Variants in CSMD1 observed in about 807,000 individuals in gnomAD.
CSMD1 encodes CUB and Sushi multiple domains 1.
In CSMD1, 213 loss-of-function variants were observed where a neutral mutation model predicts 417.5. The observed-to-expected ratio is 0.51, with a 90% confidence interval of 0.46 to 0.57. CSMD1 has a LOEUF of 0.57. Among genes scored for constraint, CSMD1 ranks in the 20% least tolerant of loss-of-function variants. The probability of loss-of-function intolerance (pLI) is 0.00; values close to 1 mark genes in which losing one functional copy is unlikely to be tolerated. For synonymous variants in CSMD1, 2,862 were observed against 1,736.8 expected, an observed-to-expected ratio of 1.65 and a Z score of -16.11; for missense variants, 6,923 against 4,529.7, an observed-to-expected ratio of 1.53 and a Z score of -15.17.
At position 4,356,811 on chromosome 8, in the gene CSMD1, C is replaced by G. The variant is rs906217853; in HGVS notation, c.415+63142G>C. ...TCTTGCAGGCCCAGCCCCTGACCGA[C>G]TTGACAATGGCGCACATTCCTAGTT... On this transcript the variant is annotated intron_variant, in intron 3 of 69. Transcript: ENST00000635120. Among the ~76,000 whole-genome samples, 83 of 152,324 alleles carry G rather than the reference C, an allele frequency of 5.4e-4. 1 individual carries two copies. The highest frequency in any genetic ancestry group is 1.8e-3 in the African/African-American group (73 of 41,566).
chr8:2,951,361 G>A (rs1802618434), intron 65 of CSMD1, 86 bp from the exon 66 acceptor site: 2 of 1,341,016 alleles, frequency 1.5e-6, no homozygotes, highest in Non-Finnish European at 2.0e-6. Flanking sequence ...GCATCATACT[G>A]CTTAGCGAGC....
intron 48 of CSMD1, among the ~76,000 whole-genome samples, chr8:3,089,843 A>G (rs533991124): frequency 1.4e-4 from 22 of 152,298 alleles, no homozygotes; most frequent in African/African-American, 4.8e-4. Flanking sequence ...GTGGTATGAC[A>G]ACAAATAAAA....
intron 49 of CSMD1, among the ~76,000 whole-genome samples, chr8:3,053,755 T>C (rs1313037672): frequency 6.6e-6 from 1 of 152,106 alleles, no homozygotes; most frequent in African/African-American, 2.4e-5. Flanking sequence ...CATGTGACAG[T>C]CATGAAGCCA....
chr8:3,683,469 G>A (rs1799775184), intron 7 of CSMD1, among the ~76,000 whole-genome samples: 1 of 152,108 alleles, frequency 6.6e-6, no homozygotes, highest in African/African-American at 2.4e-5. Context: ...CTCCATTTCT[G>A]GAGGGGTGTT....
At chr8:4,302,958 C>A (rs1244999452) in intron 3 of CSMD1, among the ~76,000 whole-genome samples, 1 of 151,938 alleles carries the variant, frequency 6.6e-6, no homozygotes, top group African/African-American at 2.4e-5. Context: ...ATGCATGAAA[C>A]TGTGACCAGA....
At chr8:3,958,639 T>C (rs1326742796) in intron 5 of CSMD1, among the ~76,000 whole-genome samples, 2 of 152,140 alleles carry the variant, frequency 1.3e-5, no homozygotes, top group Admixed American at 1.3e-4. Flanking sequence ...CCACATATTG[T>C]AAAATACAAA....
At chr8:3,201,589 G>T (rs746237148) in intron 32 of CSMD1, 23 bp downstream of exon 32, 2 of 1,444,588 alleles carry the variant, frequency 1.4e-6, no homozygotes, top group East Asian at 2.4e-5. Context: ...ACTAAATTAA[G>T]GGCAAAATTC....
At chr8:4,112,160 G>C (rs1801890775) in intron 3 of CSMD1, among the ~76,000 whole-genome samples, 1 of 152,160 alleles carries the variant, frequency 6.6e-6, no homozygotes, top group Non-Finnish European at 1.5e-5. Flanking sequence ...GAGCTTAAAA[G>C]AGCTGGGCAG....
chr8:4,157,970 G>C (rs1159885987), intron 3 of CSMD1, among the ~76,000 whole-genome samples: 2 of 152,188 alleles, frequency 1.3e-5, no homozygotes, highest in Non-Finnish European at 2.9e-5. Context: ...CGTATGCCGA[G>C]ATTGGCCAAC....
At chr8:3,970,416 A>G (rs188142518) in intron 5 of CSMD1, among the ~76,000 whole-genome samples, 9 of 152,296 alleles carry the variant, frequency 5.9e-5, no homozygotes, top group South Asian at 2.1e-4. Context: ...AGGGAACAAT[A>G]TGGATTTTAT....
At chr8:4,205,185 G>A (rs897295262) in intron 3 of CSMD1, among the ~76,000 whole-genome samples, 1 of 152,138 alleles carries the variant, frequency 6.6e-6, no homozygotes, top group African/African-American at 2.4e-5. Flanking sequence ...AGAAACATCT[G>A]ATTTAAATAA....
At chr8:4,247,338 A>G (rs895508224) in intron 3 of CSMD1, among the ~76,000 whole-genome samples, 4 of 152,232 alleles carry the variant, frequency 2.6e-5, no homozygotes, top group African/African-American at 9.6e-5. Context: ...TACCACATAG[A>G]GTGCTGCTGG....
intron 5 of CSMD1, among the ~76,000 whole-genome samples, chr8:3,869,234 T>A (rs989710857): frequency 6.6e-6 from 1 of 152,166 alleles, no homozygotes; most frequent in African/African-American, 2.4e-5. Flanking sequence ...ATGCTCTGCC[T>A]AGCACTGCAT....
intron 2 of CSMD1, among the ~76,000 whole-genome samples, chr8:4,508,835 G>T (rs946145471): frequency 2.6e-5 from 4 of 151,262 alleles, no homozygotes; most frequent in African/African-American, 9.7e-5. Flanking sequence ...AATTTTAGTG[G>T]TTTTTTTTTG....
chr8:3,346,960 G>A (rs928454038), intron 22 of CSMD1, among the ~76,000 whole-genome samples: 1 of 152,228 alleles, frequency 6.6e-6, no homozygotes, highest in African/African-American at 2.4e-5. Context: ...ATAAGCAGGT[G>A]ACTGGACGGA....
chr8:3,088,755 T>C (rs1181315128), intron 48 of CSMD1, among the ~76,000 whole-genome samples: 1 of 151,702 alleles, frequency 6.6e-6, no homozygotes, highest in Non-Finnish European at 1.5e-5. Context: ...TTCTTCTAAG[T>C]TTTGAATGAA....
intron 3 of CSMD1, among the ~76,000 whole-genome samples, chr8:4,312,958 A>G (rs919911654): frequency 6.6e-6 from 1 of 152,218 alleles, no homozygotes; most frequent in Admixed American, 6.5e-5. Context: ...GGAAGAGCCC[A>G]TAATTTGACC....
chr8:3,424,860 G>C (rs542653102), intron 12 of CSMD1, among the ~76,000 whole-genome samples: 1 of 152,262 alleles, frequency 6.6e-6, no homozygotes, highest in Non-Finnish European at 1.5e-5. Flanking sequence ...TTTTATTTGA[G>C]ACAGGGTCTT....
chr8:3,205,303 G>T (rs559902932), intron 31 of CSMD1, among the ~76,000 whole-genome samples: 17 of 152,186 alleles, frequency 1.1e-4, no homozygotes, highest in Non-Finnish European at 1.5e-4. Flanking sequence ...AGGGGACTGT[G>T]AGCATTAATA....
Sources: allele counts gnomAD v4.1 joint callset (sites outside exome capture counted in the v4.1 genomes callset), GRCh38; gene constraint gnomAD v4.1.1; transcripts MANE v1.5; gene names NCBI Gene and HGNC (gene_info 2026-07-23, HGNC 2026-07-21).